The following ARHGEF4 variants were observed in gnomAD, a reference collection of about 807,000 sequenced individuals.
ARHGEF4 encodes the protein APC-stimulated guanine nucleotide exchange factor 1.
ARHGEF4 carries 119 observed loss-of-function variants against 162.0 expected under a neutral mutation model. The observed-to-expected ratio is 0.73, with a 90% CI of 0.63 to 0.86. ARHGEF4 has a LOEUF of 0.86. Ranked by LOEUF, ARHGEF4 falls within the 40% of genes least tolerant of loss-of-function variation. The probability of loss-of-function intolerance (pLI) is 0.00; values close to 1 mark genes in which losing one functional copy is unlikely to be tolerated. For missense variants in ARHGEF4, 2,488 were observed against 2,456.0 expected, an observed-to-expected ratio of 1.01 and a Z score of -0.28; for synonymous variants, 1,014 against 979.9, an observed-to-expected ratio of 1.03 and a Z score of -0.65.
intron 1 of ARHGEF4, among the ~76,000 whole-genome samples, chr2:130,864,960 G>T (rs1682163481): frequency 6.6e-6 from 1 of 152,216 alleles, no homozygotes; most frequent in African/African-American, 2.4e-5. Flanking sequence ...ATGGCTGTGT[G>T]TTCTGGGAGC....
At chr2:130,964,634 C>CTTAGCCTCTGTAAAGGCTTTACAG (rs2105201067) in intron 4 of ARHGEF4, among the ~76,000 whole-genome samples, 1 of 152,360 alleles carries the variant, frequency 6.6e-6, no homozygotes, top group South Asian at 2.1e-4. Context: ...TTACCTACCG[C>CTTAGCCTCTGTAAAGGCTTTACAG]AGCTGCTTAG....
At chr2:131,045,879 G>A in intron 13 of ARHGEF4, 159 bp from the exon 14 acceptor site, 2 of 1,487,334 alleles carry the variant, frequency 1.3e-6, no homozygotes, top group African/African-American at 1.4e-5. Flanking sequence ...TGAGCTCTTG[G>A]ATGTGGTCAG....
At chr2:130,932,087 T>G (rs931183313) in intron 3 of ARHGEF4, among the ~76,000 whole-genome samples, 1 of 152,206 alleles carries the variant, frequency 6.6e-6, no homozygotes, top group African/African-American at 2.4e-5. Flanking sequence ...ACCCTGGAAA[T>G]ACTCATCTGC....
chr2:130,956,479 C>A (rs912760785), intron 4 of ARHGEF4, among the ~76,000 whole-genome samples: 1 of 151,758 alleles, frequency 6.6e-6, no homozygotes, highest in Non-Finnish European at 1.5e-5. Flanking sequence ...GGTATACACC[C>A]AAAGGACTAT....
At chr2:130,892,780 C>A (rs1311072962) in intron 1 of ARHGEF4, among the ~76,000 whole-genome samples, 1 of 152,164 alleles carries the variant, frequency 6.6e-6, no homozygotes, top group Non-Finnish European at 1.5e-5. Context: ...GGGCCCCTCT[C>A]CTGGACTCCC....
At chr2:130,945,134 G>A (rs760596398) in intron 3 of ARHGEF4, among the ~76,000 whole-genome samples, 1 of 151,970 alleles carries the variant, frequency 6.6e-6, no homozygotes, top group Non-Finnish European at 1.5e-5. Flanking sequence ...TACAGCTTGG[G>A]GGTAAGTGCG....
At chr2:130,978,826 TA>T (rs538079114) in intron 4 of ARHGEF4, among the ~76,000 whole-genome samples, 210 of 151,826 alleles carry the variant, frequency 1.4e-3, no homozygotes, top group Middle Eastern at 6.8e-3. Flanking sequence ...ACAAAAGCCA[TA>T]AAAAAAATTA....
At chr2:130,990,421 T>G (rs1039918166) in intron 4 of ARHGEF4, among the ~76,000 whole-genome samples, 4 of 152,156 alleles carry the variant, frequency 2.6e-5, no homozygotes, top group African/African-American at 9.7e-5. Context: ...TATTATTAGC[T>G]TCTTGGTGAG....
At chr2:130,869,586 C>T (rs1282637715) in intron 1 of ARHGEF4, among the ~76,000 whole-genome samples, 1 of 152,202 alleles carries the variant, frequency 6.6e-6, no homozygotes, top group Non-Finnish European at 1.5e-5. Flanking sequence ...GACTCAGGGA[C>T]TGTGTCTAGA....
At chr2:130,879,435 CT>C (rs1311541333) in intron 1 of ARHGEF4, among the ~76,000 whole-genome samples, 2 of 152,010 alleles carry the variant, frequency 1.3e-5, no homozygotes, top group Non-Finnish European at 2.9e-5. Context: ...TCATAACTTG[CT>C]TTTTTGATGA....
intron 5 of ARHGEF4, among the ~76,000 whole-genome samples, chr2:131,029,877 C>A (rs2105372849): frequency 6.6e-6 from 1 of 152,366 alleles, no homozygotes; most frequent in South Asian, 2.1e-4. Flanking sequence ...CTGGAAGACT[C>A]AGGCTGCCTC....
chr2:131,012,877 G>C (rs1302115168), intron 4 of ARHGEF4, among the ~76,000 whole-genome samples: 1 of 152,200 alleles, frequency 6.6e-6, no homozygotes, highest in Non-Finnish European at 1.5e-5. Flanking sequence ...CACCGCGCCT[G>C]GCTATGTGCC....
chr2:130,936,741 A>G (rs576454314), intron 3 of ARHGEF4, among the ~76,000 whole-genome samples: 7 of 152,108 alleles, frequency 4.6e-5, no homozygotes, highest in Non-Finnish European at 8.8e-5. Flanking sequence ...TTTTGTTCCA[A>G]TGTGTCTCAG....
intron 1 of ARHGEF4, among the ~76,000 whole-genome samples, chr2:130,907,851 G>A (rs1028605005): frequency 6.6e-5 from 10 of 151,786 alleles, no homozygotes; most frequent in African/African-American, 2.4e-4. Flanking sequence ...AGCTACTCGG[G>A]AGGCTGAGGC....
chr2:131,045,443 A>C lies in ARHGEF4; in HGVS notation c.5476A>C (p.Lys1826Gln). ...CAAGCAGCAGGTCACAGGGAAGCCC[A>C]AAGGTAGGCGGACAGCAGCCCCACC... ...ASKQQVTGKPKAVGRPCYLTR... is the reference protein window; with the variant it reads ...ASKQQVTGKPQAVGRPCYLTR... Residue 1826 changes from lysine to glutamine, a missense_variant, in exon 13 of 14, where the codon AAA becomes CAA. Transcript: ENST00000409359. 1 of 1,613,588 alleles carries C rather than the reference A, an allele frequency of 6.2e-7. No individual in the cohort carries two copies. The highest frequency in any genetic ancestry group is 8.5e-7 in the Non-Finnish European group (1 of 1,180,004).
chr2:131,043,828 C>T (rs530969205), intron 11 of ARHGEF4, among the ~76,000 whole-genome samples: 1 of 152,186 alleles, frequency 6.6e-6, no homozygotes, highest in South Asian at 2.1e-4. Context: ...CTGACCTGGC[C>T]GCTGCTTGCT....
At chr2:131,027,045 T>C (rs1689525629) in intron 4 of ARHGEF4, among the ~76,000 whole-genome samples, 1 of 152,206 alleles carries the variant, frequency 6.6e-6, no homozygotes, top group African/African-American at 2.4e-5. Context: ...GGGGCCGTCA[T>C]GAAAGCAGGG....
intron 1 of ARHGEF4, among the ~76,000 whole-genome samples, chr2:130,879,108 T>C (rs1679038610): frequency 6.6e-6 from 1 of 152,098 alleles, no homozygotes; most frequent in Non-Finnish European, 1.5e-5. Flanking sequence ...GAGGGGCCCA[T>C]GGTAATGAGT....
rs946415096 is a variant in ARHGEF4, at chr2:131,046,182, G to A, written c.5624G>A (p.Arg1875His). The A allele has an allele frequency of 3.7e-6, 6 of 1,611,268 alleles. No homozygotes were observed. The highest frequency in any genetic ancestry group is 2.2e-5 in the South Asian group (2 of 90,902). ...WHSISRLAPFRK is the reference protein window; with the variant it reads ...WHSISRLAPFHK ...AGCATCAGCCGGCTGGCACCCTTCC[G>A]CAAGTGAACTGGTCCCTGCCTGACA... Residue 1875 changes from arginine to histidine, a missense_variant, in exon 14 of 14, where the codon CGC becomes CAC. Arg to His is a conservative substitution (Grantham distance 29). Transcript: ENST00000409359.
Sources: allele counts gnomAD v4.1 joint callset (sites outside exome capture counted in the v4.1 genomes callset), GRCh38; gene constraint gnomAD v4.1.1; transcripts MANE v1.5; gene names NCBI Gene and HGNC (gene_info 2026-07-23, HGNC 2026-07-21).